Variants in MAML3 observed in about 807,000 individuals in gnomAD.
The protein encoded by MAML3 is mastermind-like protein 3.
A neutral mutation model predicts 101.9 loss-of-function variants in MAML3; 27 were observed. The observed-to-expected ratio is 0.27, with a 90% confidence interval of 0.20 to 0.37. The LOEUF (loss-of-function observed/expected upper bound fraction) is 0.37, where lower values mean the gene tolerates loss of function less well. Ranked by LOEUF, MAML3 falls within the 10% of genes least tolerant of loss-of-function variation. MAML3 has a pLI of 1.00. For synonymous variants in MAML3, 501 were observed against 555.9 expected, an observed-to-expected ratio of 0.90 and a Z score of 1.39; for missense variants, 1,316 against 1,444.9, an observed-to-expected ratio of 0.91 and a Z score of 1.45.
At chr4:139,761,392 G>GC (rs1729757534) in intron 2 of MAML3, among the ~76,000 whole-genome samples, 2 of 152,266 alleles carry the variant, frequency 1.3e-5, no homozygotes, top group South Asian at 4.1e-4. Context: ...TCTGGAGGGG[G>GC]CGTTAGGGGA....
intron 2 of MAML3, among the ~76,000 whole-genome samples, chr4:139,865,521 C>G (rs1451690125): frequency 1.4e-5 from 2 of 139,032 alleles, no homozygotes; most frequent in Non-Finnish European, 3.0e-5. Context: ...CATTCTCTAA[C>G]TAAACACAAT....
intron 1 of MAML3, among the ~76,000 whole-genome samples, chr4:139,929,668 T>C (rs1440893504): frequency 6.6e-6 from 1 of 152,206 alleles, no homozygotes; most frequent in African/African-American, 2.4e-5. Context: ...CCGGAGACTA[T>C]CTGTCTTTCA....
rs191913913 is a variant in MAML3, at chr4:139,911,363, G to A, written c.469-20396C>T. On this transcript the variant is annotated intron_variant, in intron 1 of 4. Transcript: ENST00000509479. ...CTCCTGAGTGGCTGGGACTACAGGC[G>A]CACACCACCACACCCAGCTAATTTT... is the stretch of plus-strand genomic sequence containing the variant. Among the ~76,000 whole-genome samples, 1,191 of 151,912 alleles carry A rather than the reference G, an allele frequency of 7.8e-3. 8 individuals carry two copies. The highest frequency in any genetic ancestry group is 0.044 in the South Asian group (210 of 4,802).
chr4:140,091,543 C>CAACAAAAAAAAAAAAAA (rs1728050689), intron 1 of MAML3, among the ~76,000 whole-genome samples: 1 of 108,266 alleles, frequency 9.2e-6, no homozygotes, highest in Non-Finnish European at 1.8e-5. Flanking sequence ...AAAACAAAAA[C>CAACAAAAAAAAAAAAAA]AAAACAAAAA....
chr4:140,030,863 C>T (rs749665513), intron 1 of MAML3, among the ~76,000 whole-genome samples: 4 of 152,212 alleles, frequency 2.6e-5, no homozygotes, highest in Admixed American at 1.3e-4. Context: ...TCTCCAGGCA[C>T]TGCTGTGTTA....
chr4:140,109,571 G>A (rs1410398942), intron 1 of MAML3, among the ~76,000 whole-genome samples: 3 of 152,120 alleles, frequency 2.0e-5, no homozygotes, highest in Admixed American at 6.5e-5. Flanking sequence ...ACCCAGAAAC[G>A]ATTTCTTCTT....
In MAML3 at chr4:139,889,575, C is replaced by A. The variant is rs776920404; in HGVS notation, c.1861G>T (p.Ala621Ser). The change falls in exon 2 of 5, where the codon GCC (alanine) becomes TCC (serine). Residue 621 changes from alanine (A) to serine (S), a missense_variant. By Grantham distance (99) the Ala-to-Ser change is moderately conservative. Coordinates refer to ENST00000509479, the MANE Select transcript of MAML3 (RefSeq NM_018717.5). ...DLSQRMTPPV[A>S]NPNKNPLMPY... Reference sequence around the variant, plus strand: ...ATCAAGGGGTTTTTGTTGGGGTTGGCCACTGGTGGTGTCATCCTCTGACTC... The same window carrying A: ...ATCAAGGGGTTTTTGTTGGGGTTGGACACTGGTGGTGTCATCCTCTGACTC... 30 of 1,613,508 alleles carry A rather than the reference C, an allele frequency of 1.9e-5. No individual in the cohort carries two copies. Among genetic ancestry groups the A allele is most frequent in the Non-Finnish European group, 2.5e-5 (30 of 1,179,806 alleles).
intron 1 of MAML3, among the ~76,000 whole-genome samples, chr4:139,970,416 A>G (rs767028228): frequency 6.6e-6 from 1 of 152,208 alleles, no homozygotes; most frequent in Admixed American, 6.5e-5. Context: ...AGGGAGGTAG[A>G]TGGTGGCTCT....
intron 1 of MAML3, among the ~76,000 whole-genome samples, chr4:139,978,371 AG>A (rs1331781221): frequency 6.6e-6 from 1 of 152,146 alleles, no homozygotes; most frequent in East Asian, 1.9e-4. Flanking sequence ...AGATTGCATT[AG>A]CCAAGACCTC....
At chr4:139,855,339 A>G (rs543737922) in intron 2 of MAML3, among the ~76,000 whole-genome samples, 1 of 152,388 alleles carries the variant, frequency 6.6e-6, no homozygotes, top group East Asian at 1.9e-4. Flanking sequence ...AGATGAAACA[A>G]CGTCAGAATA....
chr4:140,151,617 G>A (rs552555040), intron 1 of MAML3, among the ~76,000 whole-genome samples: 1 of 151,942 alleles, frequency 6.6e-6, no homozygotes, highest in Admixed American at 6.5e-5. Context: ...CGGGAAACAG[G>A]CGAAGGCGCG....
intron 1 of MAML3, among the ~76,000 whole-genome samples, chr4:140,086,898 G>A (rs990362800): frequency 1.3e-5 from 2 of 152,196 alleles, no homozygotes; most frequent in African/African-American, 2.4e-5. Flanking sequence ...GGTGGCTCAC[G>A]CCTGTAATCC....
At chr4:139,958,925 C>T (rs1733960102) in intron 1 of MAML3, among the ~76,000 whole-genome samples, 1 of 152,134 alleles carries the variant, frequency 6.6e-6, no homozygotes, top group African/African-American at 2.4e-5. Context: ...CATGCCAGCA[C>T]ATCCATTGTT....
At chr4:139,950,056 T>C (rs1733807124) in intron 1 of MAML3, among the ~76,000 whole-genome samples, 1 of 152,104 alleles carries the variant, frequency 6.6e-6, no homozygotes, top group Non-Finnish European at 1.5e-5. Flanking sequence ...AACGATTTTT[T>C]TTTGGAGACA....
chr4:140,145,335 A>T (rs1047891480), intron 1 of MAML3, among the ~76,000 whole-genome samples: 1 of 152,248 alleles, frequency 6.6e-6, no homozygotes, highest in Non-Finnish European at 1.5e-5. Context: ...GGAAGTTGGT[A>T]GTTAAAAACT....
At chr4:140,039,714 C>T (rs1727049518) in intron 1 of MAML3, among the ~76,000 whole-genome samples, 1 of 152,136 alleles carries the variant, frequency 6.6e-6, no homozygotes, top group South Asian at 2.1e-4. Context: ...GACAAAGAGG[C>T]CACTTCAGTG....
intron 2 of MAML3, among the ~76,000 whole-genome samples, chr4:139,766,673 G>T (rs116616960): frequency 0.022 from 3,325 of 152,178 alleles, 113 homozygotes; most frequent in African/African-American, 0.074. Context: ...TTCTTCTCCC[G>T]ACAACTCCAA....
chr4:140,081,038 A>C (rs1353730357), intron 1 of MAML3, among the ~76,000 whole-genome samples: 2 of 152,230 alleles, frequency 1.3e-5, no homozygotes, highest in East Asian at 3.8e-4. Flanking sequence ...CTTACTATGA[A>C]GGAAAATGTT....
intron 1 of MAML3, among the ~76,000 whole-genome samples, chr4:139,977,725 C>T (rs1560855077): frequency 6.6e-6 from 1 of 151,682 alleles, no homozygotes; most frequent in Non-Finnish European, 1.5e-5. Context: ...ATACAAAAAT[C>T]AGCTGGGTGT....
Sources: gnomAD v4.1 joint callset for allele counts (sites outside exome capture counted in the v4.1 genomes callset) on GRCh38, gnomAD v4.1.1 for gene constraint, MANE v1.5 for transcripts, NCBI Gene and HGNC (gene_info 2026-07-23, HGNC 2026-07-21) for gene names.